Variants in MLLT6 observed in about 807,000 individuals in gnomAD.
MLLT6 encodes protein AF-17.
MLLT6 carries 22 observed loss-of-function variants against 103.0 expected under a neutral mutation model. The ratio of observed to expected loss-of-function variants is 0.21; its 90% CI spans 0.15 to 0.31. MLLT6 has a LOEUF of 0.31. Among genes scored for constraint, MLLT6 ranks in the 10% least tolerant of loss-of-function variants. MLLT6 has a pLI of 1.00. For missense variants in MLLT6, 1,199 were observed against 1,441.7 expected (o/e 0.83, Z 2.73); for synonymous variants, 606 against 623.5 (o/e 0.97, Z 0.42).
intron 16 of MLLT6, 122 bp from the exon 17 acceptor site, chr17:38,721,755 TC>T: frequency 1.6e-6 from 1 of 613,804 alleles, no homozygotes; most frequent in Non-Finnish European, 2.6e-6. Context: ...CCTTGCTTCT[TC>T]CAGGGTGCCT....
chr17:38,720,190 G>T (rs1886853447), intron 14 of MLLT6, 182 bp from the exon 15 acceptor site: 2 of 702,770 alleles, frequency 2.8e-6, no homozygotes, highest in Non-Finnish European at 4.7e-6. Context: ...TCCGCCCCAG[G>T]TCTTCACACC....
At position 38,726,488 on chromosome 17, in the gene MLLT6, G is replaced by A. The variant is rs1906040171; in HGVS notation, c.*890G>A. On this transcript the variant is annotated 3_prime_UTR_variant, in exon 20 of 20. Coordinates refer to ENST00000621332, the MANE Select transcript of MLLT6 (RefSeq NM_005937.4). ...GGTCAGATGAAGCAGCGCCAGAGAG[G>A]GGACCTCCCAGCTCTTATTTGCACC... 1.3e-5 allele frequency: 3 copies of A among 233,694 alleles called. No homozygotes were observed. Among genetic ancestry groups the A allele is most frequent in the Non-Finnish European group, 2.5e-5 (3 of 118,168 alleles). The allele number at this position is 233,694 out of a possible 1,614,324, so 14.5% of individuals were successfully genotyped here.
intron 12 of MLLT6, chr17:38,719,308 G>A (rs914875735): frequency 1.0e-5 from 6 of 583,998 alleles, no homozygotes; most frequent in Admixed American, 9.3e-5. Flanking sequence ...CCCAGAGGAG[G>A]AAGAGAGCAG....
Position 38,724,789 on chromosome 17 carries a change from C to T in MLLT6, c.3053C>T (p.Ala1018Val), listed in dbSNP as rs1339419853. 6.2e-7 allele frequency: 1 copy of T among 1,606,796 alleles called. No individual in the cohort carries two copies. Residue 1018 changes from alanine to valine, a missense_variant, in exon 19 of 20, where the codon GCT becomes GTT. Physicochemically the swap from Ala to Val is moderately conservative, Grantham distance 64. Around this residue, in one of 7 missense-constraint regions of MLLT6, gnomAD observed 1,034 missense variants for 1,091.5 expected, o/e 0.95. Coordinates refer to ENST00000621332, the MANE Select transcript of MLLT6 (RefSeq NM_005937.4). The surrounding 1 kb of genome is among the most constrained non-coding windows in gnomAD (Gnocchi z 5.4). ...CCTGGCCTGCTGCCCACAGCGTCTG[C>T]TCCACCCCTGCTGCCCGCTGGAGCC... ...GTPGLLPTASAPPLLPAGALV... is the reference protein window; with the variant it reads ...GTPGLLPTASVPPLLPAGALV...
intron 2 of MLLT6, 137 bp from the exon 3 acceptor site, chr17:38,707,349 A>C: frequency 2.7e-6 from 2 of 747,906 alleles, no homozygotes; most frequent in South Asian, 3.5e-5. Flanking sequence ...TTACCAACTC[A>C]TGGCCAATCC....
At position 38,719,892 on chromosome 17, in the gene MLLT6, A is replaced by T. The variant is rs1905597251; in HGVS notation, c.2152A>T (p.Asn718Tyr). Reference sequence around the variant, plus strand: ...GCAGGGCGACGGGGAGGCCGGCGTCAACAGTGAGGAGGGGTGGCGCCGGTC... The same window carrying T: ...GCAGGGCGACGGGGAGGCCGGCGTCTACAGTGAGGAGGGGTGGCGCCGGTC... ...EKQGDGEAGVNIVEMLKALHA... is the reference protein window; with the variant it reads ...EKQGDGEAGVYIVEMLKALHA... The change falls in exon 14 of 20, where the codon AAC (asparagine) becomes TAC (tyrosine). Residue 718 changes from asparagine to tyrosine, a missense_variant. Asn to Tyr is a moderately radical substitution (Grantham distance 143, BLOSUM62 -2). Transcript: ENST00000621332. 1 of 1,578,248 alleles carries T rather than the reference A, an allele frequency of 6.3e-7. No individual in the cohort carries two copies. The highest frequency in any genetic ancestry group is 1.2e-5 in the South Asian group (1 of 86,764).
Position 38,709,600 on chromosome 17 carries a change from A to G in MLLT6, c.552+25A>G. 2.5e-6 allele frequency: 4 copies of G among 1,571,650 alleles called. No homozygotes were observed. Among genetic ancestry groups the G allele is most frequent in the Non-Finnish European group, 2.6e-6 (3 of 1,141,938 alleles). ...GGTGAGTCCTGGCGACCAGCGCATG[A>G]GCGGGTCAGTCAGCTGTGGTAAGAT... On this transcript the variant is annotated intron_variant, in intron 6 of 19. Transcript: ENST00000621332. The surrounding 1 kb of genome is among the most constrained non-coding windows in gnomAD (Gnocchi z 4.3).
In MLLT6 at chr17:38,729,651, GC is replaced by G. The variant is rs1297300491; in HGVS notation, c.*4059del. On this transcript the variant is annotated 3_prime_UTR_variant, in exon 20 of 20. Transcript: ENST00000621332. ...TTGATATCCTCAGCCCAAAGGCGAT[GC>G]CCCCCTGCCACCTCCAAGCCTGGAA... is the stretch of plus-strand genomic sequence containing the variant. 17 of 229,362 alleles carry G rather than the reference GC, an allele frequency of 7.4e-5. No individual in the cohort carries two copies. The highest frequency in any genetic ancestry group is 1.3e-4 in the Non-Finnish European group (15 of 115,546). 14.2% of individuals were successfully genotyped at this position (229,362 alleles called of 1,614,324 possible). A position where few individuals can be genotyped will look rare whatever the true frequency, so the allele number is the denominator to read the frequency against.
intron 4 of MLLT6, among the ~76,000 whole-genome samples, chr17:38,708,720 A>AC (rs1179948640): frequency 2.6e-4 from 40 of 152,062 alleles, no homozygotes; most frequent in African/African-American, 9.2e-4. Context: ...ACATGATGAG[A>AC]CCCCATCTCT....
In MLLT6 at chr17:38,709,644, C is replaced by G; in HGVS notation, c.552+69C>G. The G allele has an allele frequency of 1.6e-6, 2 of 1,254,674 alleles. No homozygotes were observed. The highest frequency in any genetic ancestry group is 2.3e-6 in the Non-Finnish European group (2 of 859,804). 77.7% of individuals were successfully genotyped at this position (1,254,674 alleles called of 1,614,324 possible). A position where few individuals can be genotyped will look rare whatever the true frequency, so the allele number is the denominator to read the frequency against. ...GTAAGATGGTTAGAGGGCATGGGCT[C>G]TGGGCCAGGCCAGTGCCTGGTGCTA... On this transcript the variant is annotated intron_variant, in intron 6 of 19. Transcript: ENST00000621332. This position sits in a 1 kb window ranked among gnomAD's most constrained non-coding sequence, Gnocchi z 4.3.
intron 19 of MLLT6, 52 bp from the exon 20 acceptor site, chr17:38,725,505 G>A (rs1195453029): frequency 2.6e-6 from 4 of 1,550,456 alleles, no homozygotes; most frequent in South Asian, 1.1e-5. Context: ...CTTATCTGGG[G>A]GTTAGGACCT....
intron 3 of MLLT6, 94 bp from the exon 4 acceptor site, chr17:38,707,669 C>T: frequency 8.1e-7 from 1 of 1,241,836 alleles, no homozygotes; most frequent in Non-Finnish European, 1.2e-6. Flanking sequence ...GATGGGAAGG[C>T]TGTGGAGGAG....
rs749374736 is a variant in MLLT6, at chr17:38,720,671, A to T, written c.2366A>T (p.Asp789Val). The change falls in exon 16 of 20, where the codon GAC becomes GTC. Residue 789 changes from aspartate (D) to valine (V), a missense_variant. Coordinates refer to ENST00000621332, the MANE Select transcript of MLLT6 (RefSeq NM_005937.4). ...ATCCCTCCCACAGCCGGCAGCAGCGACTCCTTGAGCACCAGCAAGAGCCCT... is the reference window on the plus strand; with the variant it reads ...ATCCCTCCCACAGCCGGCAGCAGCGTCTCCTTGAGCACCAGCAAGAGCCCT... ...YGLPPQAGSS[D>V]SLSTSKSPPG... The T allele has an allele frequency of 6.2e-7, 1 of 1,613,374 alleles. No homozygotes were observed. Among genetic ancestry groups the T allele is most frequent in the Non-Finnish European group, 8.5e-7 (1 of 1,179,936 alleles).
At position 38,716,304 on chromosome 17, in the gene MLLT6, C is replaced by G; in HGVS notation, c.1037-63C>G. ...CAGAGCTCTCTCCCGCCAGTACACG[C>G]GGGAGTGGGAGGGAGTGCGGGGATC... On this transcript the variant is annotated intron_variant, in intron 9 of 19. Transcript: ENST00000621332. The surrounding 1 kb of genome is among the most constrained non-coding windows in gnomAD (Gnocchi z 5.6). The G allele has an allele frequency of 6.5e-7, 1 of 1,528,188 alleles. No individual in the cohort carries two copies. 94.7% of individuals were successfully genotyped at this position (1,528,188 alleles called of 1,614,324 possible).
rs754218484 is a variant in MLLT6, at chr17:38,719,525, C to T, written c.1951C>T (p.Leu651=). The change falls in exon 13 of 20, where the codon CTG becomes TTG. Residue 651 remains leucine, a synonymous_variant. Coordinates refer to ENST00000621332, the MANE Select transcript of MLLT6 (RefSeq NM_005937.4). The stretch of plus-strand genomic sequence containing the variant: ...CCTTCCCTTCTTCCAAGAGCCAGAC[C>T]TGGAGGACTGCAGCTTCCGGTGTCG... ...QAESSHTEPD[L]EDCSFRCRGT... The T allele has an allele frequency of 1.2e-6, 2 of 1,610,816 alleles. No homozygotes were observed. The highest frequency in any genetic ancestry group is 1.1e-5 in the South Asian group (1 of 90,044).
At position 38,717,588 on chromosome 17, in the gene MLLT6, C is replaced by T. The variant is rs754692832; in HGVS notation, c.1808C>T (p.Ser603Phe). ...CCGTTCACCAGCACCCTCCCCTCCT[C>T]TTCTGCTTCTATCTCCACCACTCAG... ...RSPFTSTLPS[S>F]SASISTTQVF... Residue 603 changes from serine to phenylalanine, a missense_variant, in exon 11 of 20, where the codon TCT becomes TTT. Ser to Phe is a radical substitution (Grantham distance 155). Around this residue, in one of 7 missense-constraint regions of MLLT6, gnomAD observed 1,034 missense variants for 1,091.5 expected, o/e 0.95. Coordinates refer to ENST00000621332, the MANE Select transcript of MLLT6 (RefSeq NM_005937.4). 1 of 1,613,948 alleles carries T rather than the reference C, an allele frequency of 6.2e-7. No individual in the cohort carries two copies. The highest frequency in any genetic ancestry group is 8.5e-7 in the Non-Finnish European group (1 of 1,179,942).
At chr17:38,714,571 C>G (rs1455335259) in intron 8 of MLLT6, 1 of 152,298 alleles carries the variant, frequency 6.6e-6, no homozygotes, top group South Asian at 2.1e-4. Flanking sequence ...AACCCTGCCT[C>G]TATTAAAAAT....
chr17:38,708,190 C>T lies in MLLT6; in HGVS notation c.354+318C>T, dbSNP rs1041940585. 8.2e-5 allele frequency: 33 copies of T among 401,438 alleles called. No individual in the cohort carries two copies. The East Asian group carries it at 1.0e-3, about 12-fold the overall frequency. 24.9% of individuals were successfully genotyped at this position (401,438 alleles called of 1,614,324 possible). ...GACCTGGTGCAAGGTAGCTGGCACA[C>T]GCTGTTCGGTGCTGATCAAGACAGG... On this transcript the variant is annotated intron_variant, in intron 4 of 19. Transcript: ENST00000621332.
At chr17:38,725,525 C>T (rs1417752162) in intron 19 of MLLT6, 32 bp from the exon 20 acceptor site, 3 of 1,604,934 alleles carry the variant, frequency 1.9e-6, no homozygotes, top group East Asian at 2.3e-5. Flanking sequence ...TGACACTTTC[C>T]ACACCCCCGG....
Sources: allele counts gnomAD v4.1 joint callset (sites outside exome capture counted in the v4.1 genomes callset), GRCh38; gene constraint gnomAD v4.1.1; regional missense constraint gnomAD v4.1.1; non-coding constraint Gnocchi (gnomAD v3.1); transcripts MANE v1.5; gene names NCBI Gene and HGNC (gene_info 2026-07-23, HGNC 2026-07-21).